BTD: variants seen among roughly 807,000 people sequenced by gnomAD.
BTD encodes the protein biocytinase.
A neutral mutation model predicts 17.7 loss-of-function variants in BTD; 13 were observed. The observed-to-expected ratio is 0.74, with a 90% CI of 0.48 to 1.17. The LOEUF (loss-of-function observed/expected upper bound fraction) is 1.17, where lower values mean the gene tolerates loss of function less well. Among genes scored for constraint, BTD ranks in the 50% most tolerant of loss-of-function variants. The pLI is 0.00. For synonymous variants in BTD, 240 were observed against 245.2 expected, an observed-to-expected ratio of 0.98 and a Z score of 0.20; for missense variants, 674 against 650.4, an observed-to-expected ratio of 1.04 and a Z score of -0.39.
chr3:15,689,974 AT>A, intron 3 of BTD: 3 of 1,462,184 alleles, frequency 2.1e-6, no homozygotes, highest in Non-Finnish European at 2.8e-6. Flanking sequence ...GAAAAAAAGT[AT>A]TGGATAGAAG....
chr3:15,672,163 T>TC (rs2066435177), intron 3 of BTD, among the ~76,000 whole-genome samples: 2 of 148,030 alleles, frequency 1.4e-5, no homozygotes, highest in Non-Finnish European at 2.9e-5. Flanking sequence ...TTTTTTTTTT[T>TC]GAGACAGGGT....
intron 3 of BTD, chr3:15,689,745 T>C (rs979444922): frequency 3.4e-6 from 1 of 297,412 alleles, no homozygotes; most frequent in East Asian, 5.9e-5. Context: ...TTTATATGAA[T>C]ATTTTTTGTG....
At chr3:15,615,125 G>A (rs9853116) in intron 1 of BTD, among the ~76,000 whole-genome samples, 6,564 of 152,250 alleles carry the variant, frequency 0.043, 403 homozygotes, top group African/African-American at 0.14. Context: ...AGGACACTCA[G>A]TCTTCAAGAA....
chr3:15,708,306 T>C (rs1026825893), intron 3 of BTD, among the ~76,000 whole-genome samples: 32 of 152,184 alleles, frequency 2.1e-4, no homozygotes, highest in African/African-American at 7.5e-4. Context: ...CTCCAGGCAG[T>C]AGCAGCAATC....
chr3:15,713,289 G>C (rs180862059), downstream of BTD, among the ~76,000 whole-genome samples: 171 of 152,166 alleles, frequency 1.1e-3, no homozygotes, highest in African/African-American at 3.9e-3. Context: ...TCAAAACTGC[G>C]TTATTACTCA....
chr3:15,700,728 C>T (rs776664182), intron 3 of BTD, among the ~76,000 whole-genome samples: 10 of 151,986 alleles, frequency 6.6e-5, no homozygotes, highest in African/African-American at 1.7e-4. Flanking sequence ...GAGCAGAGAT[C>T]GCGCCACTGC....
intron 3 of BTD, among the ~76,000 whole-genome samples, chr3:15,643,970 A>T (rs1484184656): frequency 1.2e-4 from 2 of 16,816 alleles, no homozygotes; most frequent in African/African-American, 3.7e-4. Context: ...CATTTATTTA[A>T]TTTATTTATT....
rs2065830001 is a variant in BTD, at chr3:15,653,023, C to CAGGAG, written c.*7535_*7536insAGGAG. ...GGTATTCTGACAGTGGCCAGGAAAACCTCCTGCCCGCAGAATTTTGTCTAA... is the reference window on the plus strand; with the variant it reads ...GGTATTCTGACAGTGGCCAGGAAAACAGGAGCTCCTGCCCGCAGAATTTTGTCTAA... On this transcript the variant is annotated 3_prime_UTR_variant, in exon 4 of 4. Coordinates refer to ENST00000643237, the MANE Select transcript of BTD (RefSeq NM_001370658.1). Among the ~76,000 whole-genome samples the CAGGAG allele has an allele frequency of 6.6e-6, 1 of 152,172 alleles. No homozygotes were observed. The highest frequency in any genetic ancestry group is 1.5e-5 in the Non-Finnish European group (1 of 68,026).
At chr3:15,632,049 G>C (rs2065225291) in intron 1 of BTD, among the ~76,000 whole-genome samples, 1 of 152,064 alleles carries the variant, frequency 6.6e-6, no homozygotes, top group African/African-American at 2.4e-5. Context: ...ACCCGCCCGT[G>C]AGGCATGCTC....
intron 3 of BTD, among the ~76,000 whole-genome samples, chr3:15,660,646 T>C (rs1304942235): frequency 6.6e-6 from 1 of 152,240 alleles, no homozygotes; most frequent in Non-Finnish European, 1.5e-5. Context: ...TTCATAGTTA[T>C]AGATTTGGAA....
chr3:15,688,332 C>T (rs1024384504), intron 3 of BTD, among the ~76,000 whole-genome samples: 2 of 152,132 alleles, frequency 1.3e-5, no homozygotes, highest in African/African-American at 4.8e-5. Context: ...CATCATGTTG[C>T]CTAGAGTGCA....
chr3:15,667,577 A>G (rs987551808), intron 3 of BTD: 4 of 152,268 alleles, frequency 2.6e-5, no homozygotes, highest in African/African-American at 9.6e-5. Flanking sequence ...GGAAATTTCT[A>G]CGGTGCTGTG....
intron 3 of BTD, among the ~76,000 whole-genome samples, chr3:15,643,427 G>C (rs1402996667): frequency 1.3e-5 from 2 of 152,144 alleles, no homozygotes; most frequent in African/African-American, 4.8e-5. Context: ...CTTGAGCCTG[G>C]GAGGCGGAAG....
chr3:15,646,992 T>C lies in BTD; in HGVS notation c.*1504T>C, dbSNP rs1312436615. The C allele has an allele frequency of 4.6e-5, 7 of 152,152 alleles. No individual in the cohort carries two copies. Among genetic ancestry groups the C allele is most frequent in the African/African-American group, 1.7e-4 (7 of 41,418 alleles). The allele number at this position is 152,152 out of a possible 1,614,324, so 9.4% of individuals were successfully genotyped here. A position where few individuals can be genotyped will look rare whatever the true frequency, so the allele number is the denominator to read the frequency against. ...CATAGAATGCATGTTGAATAAACCA[T>C]GTGGGAAAAAGCAGAGCCAGCACCA... On this transcript the variant is annotated 3_prime_UTR_variant, in exon 4 of 4. Transcript: ENST00000643237.
chr3:15,686,263 T>C lies in BTD; in HGVS notation c.400-23797T>C, dbSNP rs747607572. 16 of 1,593,150 alleles carry C rather than the reference T, an allele frequency of 1.0e-5. No individual in the cohort carries two copies. The African/African-American group carries it at 1.5e-4, about 15-fold the overall frequency. On this transcript the variant is annotated intron_variant, in intron 3 of 3. Coordinates refer to the BTD transcript ENST00000672141. ...GAATATCCACTGCATTCTGTGGTTC[T>C]GCATTTCCTATTAATAGCCGTAAGC...
At chr3:15,602,436 C>A in intron 1 of BTD, 1 of 497,472 alleles carries the variant, frequency 2.0e-6, no homozygotes, top group Non-Finnish European at 2.6e-6. Context: ...CTACAACCAG[C>A]CCTGCACCCG....
Position 15,652,356 on chromosome 3 carries a change from T to C in BTD, c.*6868T>C, listed in dbSNP as rs1414936688. Among the ~76,000 whole-genome samples the C allele has an allele frequency of 6.6e-6, 1 of 152,138 alleles. No homozygotes were observed. Among genetic ancestry groups the C allele is most frequent in the Admixed American group, 6.5e-5 (1 of 15,274 alleles). ...AAAAAAGATACTGCAGCTTCTATCT[T>C]GGTTGCTCACTTGCTATCTTGGGTC... On this transcript the variant is annotated 3_prime_UTR_variant, in exon 4 of 4. Coordinates refer to ENST00000643237, the MANE Select transcript of BTD (RefSeq NM_001370658.1).
At chr3:15,618,601 C>T (rs1393637160) in intron 1 of BTD, among the ~76,000 whole-genome samples, 2 of 152,154 alleles carry the variant, frequency 1.3e-5, no homozygotes, top group African/African-American at 4.8e-5. Flanking sequence ...TCTCGGCTCA[C>T]TGCAAGCTCC....
chr3:15,654,119 A>T (rs1224286200), downstream of BTD, among the ~76,000 whole-genome samples: 1 of 152,230 alleles, frequency 6.6e-6, no homozygotes, highest in African/African-American at 2.4e-5. Flanking sequence ...TTGCTAAAAG[A>T]TATTTGTGCA....
Sources: gnomAD v4.1 joint callset for allele counts (sites outside exome capture counted in the v4.1 genomes callset) on GRCh38, gnomAD v4.1.1 for gene constraint, MANE v1.5 for transcripts, NCBI Gene and HGNC (gene_info 2026-07-23, HGNC 2026-07-21) for gene names.